RNF17: variants seen among roughly 807,000 people sequenced by gnomAD.
RNF17 encodes the protein ring finger protein 17.
RNF17 carries 31 observed loss-of-function variants against 200.5 expected under a neutral mutation model. That is an observed-to-expected ratio of 0.15 (90% confidence interval 0.12 to 0.21). The LOEUF (loss-of-function observed/expected upper bound fraction) is 0.21. Among genes scored for constraint, RNF17 ranks in the 10% least tolerant of loss-of-function variants. The pLI is 1.00. For synonymous variants in RNF17, 606 were observed against 637.8 expected (o/e 0.95, Z 0.75); for missense variants, 1,628 against 1,905.1 (o/e 0.85, Z 2.71).
intron 15 of RNF17, among the ~76,000 whole-genome samples, chr13:24,820,121 C>CTTTTTT (rs200683421): frequency 1.8e-5 from 2 of 113,294 alleles, no homozygotes; most frequent in Non-Finnish European, 1.9e-5. Flanking sequence ...TTTCTTTTTT[C>CTTTTTT]TTTTTTTTTT....
chr13:24,882,213 G>GATATATAGATACATCTAT (rs570781288), downstream of RNF17: 6 of 9,328 alleles, frequency 6.4e-4, 3 homozygotes, highest in African/African-American at 1.5e-3. Context: ...TATATAGATA[G>GATATATAGATACATCTAT]ATATAGATAC....
intron 15 of RNF17, among the ~76,000 whole-genome samples, chr13:24,804,887 G>A (rs1164346826): frequency 2.6e-5 from 4 of 152,020 alleles, no homozygotes; most frequent in Non-Finnish European, 5.9e-5. Context: ...ATTGATTTCT[G>A]GGTGCTTTAT....
At chr13:24,772,340 A>G (rs1880861417) in intron 2 of RNF17, among the ~76,000 whole-genome samples, 1 of 151,152 alleles carries the variant, frequency 6.6e-6, no homozygotes, top group African/African-American at 2.4e-5. Flanking sequence ...ATATTTTTCC[A>G]TACGTATTTT....
At position 24,858,991 on chromosome 13, in the gene RNF17, T is replaced by C. The variant is rs766208244; in HGVS notation, c.3611-10T>C. The C allele has an allele frequency of 2.0e-6, 3 of 1,510,732 alleles. No homozygotes were observed. The highest frequency in any genetic ancestry group is 2.7e-6 in the Non-Finnish European group (3 of 1,098,602). 93.6% of individuals were successfully genotyped at this position (1,510,732 alleles called of 1,614,324 possible). On this transcript the variant is annotated splice_polypyrimidine_tract_variant and intron_variant, in intron 25 of 35. Transcript: ENST00000255324. Reference sequence around the variant, plus strand: ...CCTTAATGCTTTCTATCTTTAATACTTTTTTTCAGAATTTGAGCTAATAAA... The same window carrying C: ...CCTTAATGCTTTCTATCTTTAATACCTTTTTTCAGAATTTGAGCTAATAAA...
the RNF17 span, chr13:24,885,155 G>A: frequency 5.7e-6 from 4 of 701,576 alleles, no homozygotes; most frequent in African/African-American, 3.6e-5. Flanking sequence ...ATCTCTGAAC[G>A]AGAAATGGCA....
intron 16 of RNF17, among the ~76,000 whole-genome samples, chr13:24,830,030 G>A (rs919538868): frequency 6.6e-6 from 1 of 152,170 alleles, no homozygotes; most frequent in African/African-American, 2.4e-5. Context: ...AACATCTCAT[G>A]AAGTTAGATT....
chr13:24,836,333 A>G (rs1288745156), intron 18 of RNF17, among the ~76,000 whole-genome samples: 1 of 152,370 alleles, frequency 6.6e-6, no homozygotes, highest in African/African-American at 2.4e-5. Flanking sequence ...CTAGAGACCT[A>G]GATATCCAAA....
intron 15 of RNF17, among the ~76,000 whole-genome samples, chr13:24,817,429 T>C (rs1331224472): frequency 6.6e-6 from 1 of 152,196 alleles, no homozygotes; most frequent in Non-Finnish European, 1.5e-5. Context: ...TACAATTTTT[T>C]ACTTCTTGGC....
At position 24,866,177 on chromosome 13, in the gene RNF17, G is replaced by C; in HGVS notation, c.4135G>C (p.Glu1379Gln). 6.4e-7 allele frequency: 1 copy of C among 1,560,434 alleles called. No individual in the cohort carries two copies. The highest frequency in any genetic ancestry group is 8.8e-7 in the Non-Finnish European group (1 of 1,134,612). ...PRSDHDKKYEEEQWEIRFEEL... is the reference protein window; with the variant it reads ...PRSDHDKKYEQEQWEIRFEEL... ...ATCAGATCATGATAAAAAGTATGAAGAGGAACAATGGGAAATAAGGTTTGA... is the reference window on the plus strand; with the variant it reads ...ATCAGATCATGATAAAAAGTATGAACAGGAACAATGGGAAATAAGGTTTGA... Residue 1379 changes from glutamate (E) to glutamine (Q), a missense_variant, in exon 30 of 36, where the codon GAG (glutamate) becomes CAG (glutamine). Coordinates refer to ENST00000255324, the MANE Select transcript of RNF17 (RefSeq NM_031277.3).
chr13:24,874,902 T>G (rs927279768), intron 33 of RNF17, among the ~76,000 whole-genome samples: 3 of 152,228 alleles, frequency 2.0e-5, no homozygotes, highest in African/African-American at 7.2e-5. Flanking sequence ...GTCTCTGAAC[T>G]TGCCTGTTCT....
At chr13:24,755,128 A>C in the RNF17 span, among the ~76,000 whole-genome samples, 293 of 152,240 alleles carry the variant, frequency 1.9e-3, no homozygotes, top group Non-Finnish European at 3.0e-3. Context: ...GATCTAAGCC[A>C]GTTACAGATT....
Position 24,879,275 on chromosome 13 carries a change from A to C in RNF17, c.4862A>C (p.Lys1621Thr). The C allele has an allele frequency of 6.2e-7, 1 of 1,604,958 alleles. No individual in the cohort carries two copies. The highest frequency in any genetic ancestry group is 8.5e-7 in the Non-Finnish European group (1 of 1,171,798). The change falls in exon 35 of 36, where the codon AAA (lysine) becomes ACA (threonine). Residue 1621 changes from lysine (K) to threonine (T), a missense_variant. Lys to Thr is a moderately conservative substitution (Grantham distance 78). Around this residue, in one of 5 missense-constraint regions of RNF17, gnomAD observed 609 missense variants for 681.9 expected, o/e 0.89. Coordinates refer to ENST00000255324, the MANE Select transcript of RNF17 (RefSeq NM_031277.3). The stretch of plus-strand genomic sequence containing the variant: ...TTGGTAGAAATGGGGCTTGCAGATA[A>C]AGATGAATAAGTGCCTAAGTGTAAG... Reference protein sequence around the residue: ...MPLVEMGLADKDE With the variant: ...MPLVEMGLADTDE
chr13:24,877,708 AGAAT>A (rs947947455), intron 34 of RNF17, among the ~76,000 whole-genome samples: 1 of 152,224 alleles, frequency 6.6e-6, no homozygotes, highest in Non-Finnish European at 1.5e-5. Flanking sequence ...TGGGAAAGAA[AGAAT>A]GGTAGTTCTG....
intron 10 of RNF17, among the ~76,000 whole-genome samples, chr13:24,795,827 A>G (rs950164214): frequency 6.6e-6 from 1 of 152,224 alleles, no homozygotes; most frequent in African/African-American, 2.4e-5. Flanking sequence ...GTAATACAGT[A>G]GAGTTACAGC....
intron 28 of RNF17, among the ~76,000 whole-genome samples, chr13:24,864,247 G>A (rs1893397012): frequency 6.6e-6 from 1 of 152,188 alleles, no homozygotes; most frequent in Non-Finnish European, 1.5e-5. Flanking sequence ...ATTGGCAGAA[G>A]AGGGAATGGT....
chr13:24,844,759 G>A lies in RNF17; in HGVS notation c.2939G>A (p.Arg980Gln), dbSNP rs768777758. The change falls in exon 21 of 36, where the codon CGA becomes CAA. Residue 980 changes from arginine to glutamine, a missense_variant. Coordinates refer to ENST00000255324, the MANE Select transcript of RNF17 (RefSeq NM_031277.3). ...AAGATCCAAGATAAAAATCAGTGGCGAAGAGGCCAGATCATCAGAATGGTT... is the reference window on the plus strand; with the variant it reads ...AAGATCCAAGATAAAAATCAGTGGCAAAGAGGCCAGATCATCAGAATGGTT... ...AVKIQDKNQW[R>Q]RGQIIRMVTD... The A allele has an allele frequency of 3.7e-6, 6 of 1,613,698 alleles. No homozygotes were observed. The highest frequency in any genetic ancestry group is 4.5e-5 in the East Asian group (2 of 44,876).
intron 13 of RNF17, among the ~76,000 whole-genome samples, chr13:24,801,847 A>G (rs1156242178): frequency 1.3e-5 from 2 of 152,112 alleles, no homozygotes; most frequent in Non-Finnish European, 1.5e-5. Flanking sequence ...TATAACCTTC[A>G]TATTAATATT....
chr13:24,856,575 T>A (rs1892530465), intron 25 of RNF17, among the ~76,000 whole-genome samples: 1 of 152,020 alleles, frequency 6.6e-6, no homozygotes, highest in African/African-American at 2.4e-5. Context: ...AGAGATCCAA[T>A]TTTTTTTATA....
intron 15 of RNF17, among the ~76,000 whole-genome samples, chr13:24,818,484 A>T (rs1422397565): frequency 6.6e-6 from 1 of 152,172 alleles, no homozygotes; most frequent in Non-Finnish European, 1.5e-5. Flanking sequence ...GGAATATTAA[A>T]GCCTTCTATT....
Sources: allele counts gnomAD v4.1 joint callset (sites outside exome capture counted in the v4.1 genomes callset), GRCh38; gene constraint gnomAD v4.1.1; regional missense constraint gnomAD v4.1.1; transcripts MANE v1.5; gene names NCBI Gene and HGNC (gene_info 2026-07-23, HGNC 2026-07-21).